Variants in CD200R1 observed in about 807,000 individuals in gnomAD.
The protein encoded by CD200R1 is cell surface glycoprotein CD200 receptor 1.
Under a neutral mutation model 38.1 loss-of-function variants are expected in CD200R1, and 30 were observed. That is an observed-to-expected ratio of 0.79 (90% CI 0.59 to 1.07). The LOEUF is 1.07. Among genes scored for constraint, CD200R1 ranks in the 50% least tolerant of loss-of-function variants. The probability of loss-of-function intolerance (pLI) is 0.00; values close to 1 mark genes in which losing one functional copy is unlikely to be tolerated. For missense variants in CD200R1, 372 were observed against 415.4 expected, an observed-to-expected ratio of 0.90 and a Z score of 0.91; for synonymous variants, 128 against 152.1, an observed-to-expected ratio of 0.84 and a Z score of 1.16.
chr3:112,973,917 A>G (rs1933370391), intron 1 of CD200R1, among the ~76,000 whole-genome samples: 1 of 152,172 alleles, frequency 6.6e-6, no homozygotes, highest in African/African-American at 2.4e-5. Context: ...ATAGGAACCT[A>G]GATGTTGAAG....
Position 112,925,163 on chromosome 3 carries a change from T to C in CD200R1, c.800A>G (p.Tyr267Cys), listed in dbSNP as rs1940254447. The C allele has an allele frequency of 3.1e-6, 5 of 1,604,202 alleles. No homozygotes were observed. The highest frequency in any genetic ancestry group is 2.6e-6 in the Non-Finnish European group (3 of 1,172,818). Residue 267 changes from tyrosine (Y) to cysteine (C), a missense_variant, in exon 6 of 8, where the codon TAT becomes TGT. Coordinates refer to ENST00000308611, the MANE Select transcript of CD200R1 (RefSeq NM_138806.4). Reference protein sequence around the residue: ...VPGAKKSAKLYIPYIILTIII... With the variant: ...VPGAKKSAKLCIPYIILTIII... ...AATAGTAAGGATGATATATGGAATA[T>C]ATAATTTTGCTGATTTTTTGGCACC...
At chr3:112,952,102 G>T (rs1286564707) in intron 1 of CD200R1, among the ~76,000 whole-genome samples, 2 of 150,182 alleles carry the variant, frequency 1.3e-5, no homozygotes, top group African/African-American at 4.9e-5. Context: ...TGAAGCTACA[G>T]TAATCAAAAC....
intron 5 of CD200R1, among the ~76,000 whole-genome samples, chr3:112,927,620 G>T (rs1940309681): frequency 6.6e-6 from 1 of 152,094 alleles, no homozygotes; most frequent in Non-Finnish European, 1.5e-5. Context: ...AATAGACACA[G>T]GCTAAGTAGA....
chr3:112,929,367 T>C lies in CD200R1; in HGVS notation c.343A>G (p.Thr115Ala), dbSNP rs1179600560. The C allele has an allele frequency of 1.2e-6, 2 of 1,613,990 alleles. No homozygotes were observed. The highest frequency in any genetic ancestry group is 1.7e-6 in the Non-Finnish European group (2 of 1,179,992). ...CAGTTGGTTTCCTTGGTCTCATTTG[T>C]TTCTTTCTTGTAGGCTTTTGTGCAG... is the stretch of plus-strand genomic sequence containing the variant. ...PSCTKAYKKE[T>A]NETKETNCTD... Residue 115 changes from threonine to alanine, a missense_variant, in exon 4 of 8, where the codon ACA becomes GCA. Thr to Ala is a moderately conservative substitution (Grantham distance 58, BLOSUM62 0). Coordinates refer to ENST00000308611, the MANE Select transcript of CD200R1 (RefSeq NM_138806.4).
intron 2 of CD200R1, among the ~76,000 whole-genome samples, chr3:112,941,372 C>A (rs1234516998): frequency 6.6e-6 from 1 of 151,568 alleles, no homozygotes; most frequent in East Asian, 1.9e-4. Context: ...CTGATTACTA[C>A]AAATTGTATG....
intron 2 of CD200R1, among the ~76,000 whole-genome samples, chr3:112,939,973 A>C (rs183235198): frequency 6.6e-6 from 1 of 152,064 alleles, no homozygotes; most frequent in Admixed American, 6.6e-5. Flanking sequence ...AAAAACCGAC[A>C]CATAGAAAAA....
intron 1 of CD200R1, among the ~76,000 whole-genome samples, chr3:112,956,643 C>T (rs988441745): frequency 6.6e-6 from 1 of 152,160 alleles, no homozygotes; most frequent in Non-Finnish European, 1.5e-5. Context: ...CATAGATTGA[C>T]TCTGTGTGGG....
chr3:112,959,141 C>A (rs902918734), intron 1 of CD200R1, among the ~76,000 whole-genome samples: 2 of 152,130 alleles, frequency 1.3e-5, no homozygotes, highest in African/African-American at 4.8e-5. Context: ...CTGTTAAAAA[C>A]CCCTAATTCG....
intron 1 of CD200R1, among the ~76,000 whole-genome samples, chr3:112,973,036 A>AGAT (rs1933348505): frequency 6.6e-6 from 1 of 152,242 alleles, no homozygotes; most frequent in South Asian, 2.1e-4. Flanking sequence ...TAGACTTCAT[A>AGAT]GATCTGCTAT....
chr3:112,968,844 T>C (rs750264055), intron 1 of CD200R1, among the ~76,000 whole-genome samples: 1 of 152,188 alleles, frequency 6.6e-6, no homozygotes, highest in Non-Finnish European at 1.5e-5. Context: ...GAGTTTGCAG[T>C]TTGGGTCCAA....
At chr3:112,957,733 TAC>T (rs1300325380) in intron 1 of CD200R1, among the ~76,000 whole-genome samples, 7 of 152,298 alleles carry the variant, frequency 4.6e-5, no homozygotes, top group South Asian at 2.1e-4. Flanking sequence ...GTTTGCAATA[TAC>T]ATATCTAACA....
chr3:112,931,026 G>A lies in CD200R1; in HGVS notation c.202+80C>T, dbSNP rs890583345. On this transcript the variant is annotated intron_variant, in intron 3 of 7. Coordinates refer to ENST00000308611, the MANE Select transcript of CD200R1 (RefSeq NM_138806.4). The stretch of plus-strand genomic sequence containing the variant: ...CAAGTAGTCATAAGGCTGGCTTCCA[G>A]TCAGGTCATTAGCTAATATTTCTAA... 45 of 1,014,898 alleles carry A rather than the reference G, an allele frequency of 4.4e-5. No individual in the cohort carries two copies. In the African/African-American group the frequency reaches 6.2e-4, roughly 14 times the overall value. The allele number at this position is 1,014,898 out of a possible 1,614,324, so 62.9% of individuals were successfully genotyped here.
At position 112,922,837 on chromosome 3, in the gene CD200R1, C is replaced by T. The variant is rs996963042; in HGVS notation, c.*840G>A. On this transcript the variant is annotated 3_prime_UTR_variant, in exon 8 of 8. Transcript: ENST00000308611. The stretch of plus-strand genomic sequence containing the variant: ...AAATTTAGGGAAAGGCACATTTAAA[C>T]AATGTTGGAGGGAATTTGACATATA... 2 of 151,744 alleles carry T rather than the reference C, an allele frequency of 1.3e-5. No homozygotes were observed. Among genetic ancestry groups the T allele is most frequent in the Non-Finnish European group, 2.9e-5 (2 of 67,814 alleles). 9.4% of individuals were successfully genotyped at this position (151,744 alleles called of 1,614,324 possible).
intron 2 of CD200R1, among the ~76,000 whole-genome samples, chr3:112,938,353 A>G (rs1161170237): frequency 6.6e-6 from 1 of 152,024 alleles, no homozygotes; most frequent in Non-Finnish European, 1.5e-5. Context: ...ATAATTGACA[A>G]GCCATTAGCT....
intron 1 of CD200R1, among the ~76,000 whole-genome samples, chr3:112,963,718 A>T (rs1371745065): frequency 6.6e-6 from 1 of 152,146 alleles, no homozygotes; most frequent in Non-Finnish European, 1.5e-5. Context: ...GAAAAAAAAA[A>T]TCCCACTTTC....
chr3:112,942,830 T>G (rs767111691), intron 2 of CD200R1, among the ~76,000 whole-genome samples: 1 of 151,688 alleles, frequency 6.6e-6, no homozygotes, highest in African/African-American at 2.4e-5. Flanking sequence ...AGTAGCTATA[T>G]TAATTTTACA....
At chr3:112,956,354 T>G (rs1463999505) in intron 1 of CD200R1, among the ~76,000 whole-genome samples, 2 of 152,190 alleles carry the variant, frequency 1.3e-5, no homozygotes, top group African/African-American at 4.8e-5. Flanking sequence ...ATTTCTGGTT[T>G]TTTTTTAAAT....
intron 2 of CD200R1, among the ~76,000 whole-genome samples, chr3:112,943,138 A>T (rs572373169): frequency 6.6e-6 from 1 of 151,916 alleles, no homozygotes; most frequent in Non-Finnish European, 1.5e-5. Flanking sequence ...AGTATAACTG[A>T]CATCTATAGA....
At chr3:112,951,011 A>G (rs1362806320) in intron 1 of CD200R1, among the ~76,000 whole-genome samples, 2 of 152,178 alleles carry the variant, frequency 1.3e-5, no homozygotes, top group Admixed American at 1.3e-4. Context: ...AGAAAACACA[A>G]TAATAAATAT....
Sources: allele counts gnomAD v4.1 joint callset (sites outside exome capture counted in the v4.1 genomes callset), GRCh38; gene constraint gnomAD v4.1.1; transcripts MANE v1.5; gene names NCBI Gene and HGNC (gene_info 2026-07-23, HGNC 2026-07-21).